DIAPH3: variants seen among roughly 807,000 people sequenced by gnomAD.
DIAPH3 encodes protein diaphanous homolog 3.
DIAPH3 carries 117 observed loss-of-function variants against 144.3 expected under a neutral mutation model. That is an observed-to-expected ratio of 0.81 (90% confidence interval 0.70 to 0.95). The LOEUF is 0.95. Ranked by LOEUF, DIAPH3 falls within the 40% of genes least tolerant of loss-of-function variation. DIAPH3 has a pLI of 0.00. For synonymous variants in DIAPH3, 519 were observed against 488.9 expected (o/e 1.06, Z -0.81); for missense variants, 1,421 against 1,412.7 (o/e 1.01, Z -0.09).
chr13:59,775,079 G>A (rs554215951), intron 25 of DIAPH3, among the ~76,000 whole-genome samples: 1 of 152,284 alleles, frequency 6.6e-6, no homozygotes, highest in African/African-American at 2.4e-5. Flanking sequence ...TCAGAGCACT[G>A]CTTTTATAGT....
Position 60,080,666 on chromosome 13 carries a change from T to G in DIAPH3, c.495+12962A>C, listed in dbSNP as rs2057526163. 2.6e-5 allele frequency among the ~76,000 whole-genome samples: 4 copies of G among 151,900 alleles called. No homozygotes were observed. The South Asian group carries it at 8.3e-4, about 32-fold the overall frequency. On this transcript the variant is annotated intron_variant, in intron 4 of 27. Coordinates refer to ENST00000400324, the MANE Select transcript of DIAPH3 (RefSeq NM_001042517.2). The stretch of plus-strand genomic sequence containing the variant: ...TTTTTTTCTTAAAAATGGAATGAAA[T>G]AACATTACATTTTCTGTCTATAGGA...
intron 27 of DIAPH3, among the ~76,000 whole-genome samples, chr13:59,693,180 C>T (rs67585313): frequency 0.084 from 12,761 of 152,028 alleles, 825 homozygotes; most frequent in African/African-American, 0.18. Context: ...CGGTGGAAGG[C>T]GCTTATGACT....
At chr13:60,137,884 C>T (rs138427835) in intron 1 of DIAPH3, among the ~76,000 whole-genome samples, 7,707 of 151,760 alleles carry the variant, frequency 0.051, 272 homozygotes, top group Admixed American at 0.098. Context: ...CCACCATGCC[C>T]GGCTAATTTT....
intron 27 of DIAPH3, chr13:59,695,312 A>G (rs1035469596): frequency 2.6e-5 from 4 of 152,238 alleles, no homozygotes. Context: ...TGTCTTCCCC[A>G]ATGCTGGAAC....
At chr13:59,809,607 T>A (rs1433255317) in intron 25 of DIAPH3, among the ~76,000 whole-genome samples, 3 of 151,982 alleles carry the variant, frequency 2.0e-5, no homozygotes, top group African/African-American at 4.8e-5. Context: ...TAAAAATAAA[T>A]ACTAAATCTT....
At chr13:59,963,061 A>T (rs964954053) in intron 17 of DIAPH3, among the ~76,000 whole-genome samples, 2 of 152,146 alleles carry the variant, frequency 1.3e-5, no homozygotes, top group Non-Finnish European at 2.9e-5. Flanking sequence ...GCAGACCCCA[A>T]GTTAAGAATC....
At chr13:59,987,373 C>T (rs2051470645) in intron 12 of DIAPH3, among the ~76,000 whole-genome samples, 1 of 150,136 alleles carries the variant, frequency 6.7e-6, no homozygotes, top group African/African-American at 2.5e-5. Flanking sequence ...ATACCTAAGG[C>T]TAGATGACGA....
intron 17 of DIAPH3, among the ~76,000 whole-genome samples, chr13:59,956,936 C>A (rs539363074): frequency 2.0e-5 from 3 of 152,250 alleles, no homozygotes; most frequent in Admixed American, 6.5e-5. Context: ...CAGATTTGCA[C>A]GGGGCCTGTA....
rs550159556 is a variant in DIAPH3 at position 60,003,077 on chromosome 13, C to T, written c.1014+5467G>A. On this transcript the variant is annotated intron_variant, in intron 9 of 27. Coordinates refer to ENST00000400324, the MANE Select transcript of DIAPH3 (RefSeq NM_001042517.2). Reference sequence around the variant, plus strand: ...GCACACACATGAACAATGGACACTACGATGGAGGGTTTGGTTCTCCTGGGG... The same window carrying T: ...GCACACACATGAACAATGGACACTATGATGGAGGGTTTGGTTCTCCTGGGG... Among the ~76,000 whole-genome samples the T allele has an allele frequency of 2.6e-5, 4 of 152,256 alleles. No individual in the cohort carries two copies. In the South Asian group the frequency reaches 6.2e-4, roughly 24 times the overall value.
At chr13:60,073,308 C>CAA (rs550329629) in intron 4 of DIAPH3, among the ~76,000 whole-genome samples, 2 of 123,340 alleles carry the variant, frequency 1.6e-5, no homozygotes, top group Admixed American at 8.3e-5. Flanking sequence ...GATGTTGTCT[C>CAA]AAAAAAAAAA....
intron 4 of DIAPH3, among the ~76,000 whole-genome samples, 172 bp from the exon 5 acceptor site, chr13:60,042,992 G>T (rs2055797918): frequency 6.6e-6 from 1 of 152,208 alleles, no homozygotes; most frequent in South Asian, 2.1e-4. Context: ...AATTCATAAT[G>T]TGTGGTATCC....
At chr13:59,708,054 C>T (rs2034526796) in intron 27 of DIAPH3, among the ~76,000 whole-genome samples, 1 of 151,098 alleles carries the variant, frequency 6.6e-6, no homozygotes, top group African/African-American at 2.4e-5. Flanking sequence ...TCATTTCTTT[C>T]CTTCCTTTCA....
chr13:60,013,084 T>C, intron 7 of DIAPH3: 1 of 985,288 alleles, frequency 1.0e-6, no homozygotes, highest in East Asian at 1.1e-4. Flanking sequence ...ATGAGGGCTG[T>C]TTTAGGTTAG....
intron 24 of DIAPH3, among the ~76,000 whole-genome samples, chr13:59,821,562 T>A (rs75164661): frequency 0.043 from 6,619 of 152,214 alleles, 241 homozygotes; most frequent in South Asian, 0.11. Context: ...TTTTCAGTTT[T>A]CCATTAAAAT....
chr13:59,992,272 C>G, intron 10 of DIAPH3, 86 bp from the exon 11 acceptor site: 5 of 1,180,388 alleles, frequency 4.2e-6, no homozygotes, highest in Non-Finnish European at 6.2e-6. Flanking sequence ...ATAAACCAAC[C>G]ATTCAACTTG....
At chr13:60,009,072 T>C (rs2053069850) in intron 8 of DIAPH3, among the ~76,000 whole-genome samples, 2 of 152,316 alleles carry the variant, frequency 1.3e-5, no homozygotes, top group South Asian at 2.1e-4. Flanking sequence ...CCAGACAGTT[T>C]ATGTGGTGGG....
chr13:60,151,723 AG>A (rs1951796928), intron 1 of DIAPH3, among the ~76,000 whole-genome samples: 1 of 152,228 alleles, frequency 6.6e-6, no homozygotes, highest in African/African-American at 2.4e-5. Flanking sequence ...AACTAAAAGC[AG>A]GTTCAATATA....
chr13:59,887,341 T>C (rs1488334309), intron 20 of DIAPH3, among the ~76,000 whole-genome samples: 1 of 152,096 alleles, frequency 6.6e-6, no homozygotes, highest in East Asian at 1.9e-4. Context: ...TCTATGTTCA[T>C]ATATGATATT....
chr13:59,970,914 C>G lies in DIAPH3; in HGVS notation c.1897G>C (p.Gly633Arg), dbSNP rs746360207. Residue 633 changes from glycine to arginine, a missense_variant, in exon 16 of 28, where the codon GGG (glycine) becomes CGG (arginine). Transcript: ENST00000400324. The part of the protein sequence containing the change: ...NSPPLPILPF[G>R]LKPKKEFKPE... ...TTAAATTCTTTCTTTGGTTTCAACCCAAATGGCAGGATTGGTAGAGGAGGA... is the reference window on the plus strand; with the variant it reads ...TTAAATTCTTTCTTTGGTTTCAACCGAAATGGCAGGATTGGTAGAGGAGGA... 6.2e-7 allele frequency: 1 copy of G among 1,613,730 alleles called. No individual in the cohort carries two copies. Among genetic ancestry groups the G allele is most frequent in the Non-Finnish European group, 8.5e-7 (1 of 1,179,934 alleles).
Sources: gnomAD v4.1 joint callset for allele counts (sites outside exome capture counted in the v4.1 genomes callset) on GRCh38, gnomAD v4.1.1 for gene constraint, MANE v1.5 for transcripts, NCBI Gene and HGNC (gene_info 2026-07-23, HGNC 2026-07-21) for gene names.